Variants in CCNDBP1 observed in about 807,000 individuals in gnomAD.
The protein encoded by CCNDBP1 is cyclin-D1-binding protein 1.
A neutral mutation model predicts 46.2 loss-of-function variants in CCNDBP1; 45 were observed. The observed-to-expected ratio is 0.97, with a 90% CI of 0.77 to 1.25. CCNDBP1 has a LOEUF of 1.25. Among genes scored for constraint, CCNDBP1 ranks in the 50% most tolerant of loss-of-function variants. The pLI is 0.00. For missense variants in CCNDBP1, 436 were observed against 442.1 expected (o/e 0.99, Z 0.12); for synonymous variants, 154 against 163.6 (o/e 0.94, Z 0.45).
At chr15:43,194,330 T>G in intron 9 of CCNDBP1, 85 bp from the exon 10 acceptor site, 1 of 1,131,032 alleles carries the variant, frequency 8.8e-7, no homozygotes, top group East Asian at 2.6e-5. Context: ...AAATAATTTT[T>G]TTATTACTTG....
At chr15:43,187,101 A>G (rs2041863473) in intron 3 of CCNDBP1, among the ~76,000 whole-genome samples, 1 of 152,218 alleles carries the variant, frequency 6.6e-6, no homozygotes, top group Non-Finnish European at 1.5e-5. Flanking sequence ...GTGTATGCTT[A>G]ATATAGGAGT....
rs28365865 is a variant in CCNDBP1, at chr15:43,185,582, G to A, written c.84G>A (p.Leu28=). The A allele has an allele frequency of 2.8e-4, 448 of 1,578,544 alleles. 7 individuals are homozygous for A. The East Asian group carries it at 9.5e-3, about 33-fold the overall frequency. ...LEQLRHLAEE[L]RLLLPRVRVG... ...AGCTCCGGCACTTGGCGGAGGAGCTGCGGTTGCTCCTGCCTCGAGTGCGGG... is the reference window on the plus strand; with the variant it reads ...AGCTCCGGCACTTGGCGGAGGAGCTACGGTTGCTCCTGCCTCGAGTGCGGG... Residue 28 remains leucine, a synonymous_variant, in exon 1 of 11, where the codon CTG becomes CTA. Transcript: ENST00000300213.
At chr15:43,185,798 C>A in intron 1 of CCNDBP1, 22 bp from the exon 2 acceptor site, 1 of 1,608,536 alleles carries the variant, frequency 6.2e-7, no homozygotes, top group Non-Finnish European at 8.5e-7. Flanking sequence ...ACCGTTCGGC[C>A]CCCACACGCC....
rs770401057 is a variant in CCNDBP1 at position 43,190,141 on chromosome 15, C to A, written c.418C>A (p.Pro140Thr). Residue 140 changes from proline to threonine, a missense_variant, in exon 5 of 11, where the codon CCA becomes ACA. Transcript: ENST00000300213. The stretch of plus-strand genomic sequence containing the variant: ...GCTCATGGAAGTACTTTCCGTCACT[C>A]CAACTCAGAGGTAGTGATGCCACAG... ...AQLMEVLSVTPTQSPENNDLI... is the reference protein window; with the variant it reads ...AQLMEVLSVTTTQSPENNDLI... 1.2e-6 allele frequency: 2 copies of A among 1,613,884 alleles called. No individual in the cohort carries two copies. Among genetic ancestry groups the A allele is most frequent in the Non-Finnish European group, 1.7e-6 (2 of 1,179,836 alleles).
chr15:43,188,206 T>C (rs2041884089), intron 3 of CCNDBP1, among the ~76,000 whole-genome samples: 1 of 152,130 alleles, frequency 6.6e-6, no homozygotes, highest in South Asian at 2.1e-4. Flanking sequence ...ACTTAGAATT[T>C]AACAGAAAAT....
chr15:43,190,006 T>C (rs377680126), intron 4 of CCNDBP1, 49 bp from the exon 5 acceptor site: 1 of 1,496,692 alleles, frequency 6.7e-7, no homozygotes, highest in Non-Finnish European at 9.3e-7. Context: ...AAGCAGATGG[T>C]GCTTCTGAAA....
chr15:43,192,619 C>G, intron 8 of CCNDBP1, 124 bp from the exon 9 acceptor site: 1 of 819,182 alleles, frequency 1.2e-6, no homozygotes, highest in East Asian at 2.6e-5. Flanking sequence ...TGCCCAGTTG[C>G]CCAATTTTAA....
At chr15:43,189,874 A>G (rs2041919302) in intron 4 of CCNDBP1, 181 bp from the exon 5 acceptor site, 1 of 566,976 alleles carries the variant, frequency 1.8e-6, no homozygotes, top group Non-Finnish European at 3.1e-6. Flanking sequence ...ACACTAAGGA[A>G]TGGCAGGAGG....
chr15:43,186,268 G>A (rs375070480), intron 3 of CCNDBP1, 35 bp downstream of exon 3: 49 of 1,527,150 alleles, frequency 3.2e-5, no homozygotes, highest in Admixed American at 1.2e-4. Flanking sequence ...TTGGGCTGCC[G>A]AGTTACACCT....
In CCNDBP1 at chr15:43,192,773, A is replaced by T. The variant is rs755013072; in HGVS notation, c.891A>T (p.Pro297=). Residue 297 remains proline, a synonymous_variant, in exon 9 of 11, where the codon CCA becomes CCT. Transcript: ENST00000300213. The stretch of plus-strand genomic sequence containing the variant: ...ATGATTTGGCTCTGAGCATATATCC[A>T]CCTATGTGTCACCTGACCGTGCGAA... ...SVDDLALSIY[P]PMCHLTVRIN... The T allele has an allele frequency of 2.5e-6, 4 of 1,613,924 alleles. No individual in the cohort carries two copies. The highest frequency in any genetic ancestry group is 2.7e-5 in the African/African-American group (2 of 74,860).
In CCNDBP1 at chr15:43,189,259, T is replaced by A. The variant is rs763832976; in HGVS notation, c.310T>A (p.Tyr104Asn). The stretch of plus-strand genomic sequence containing the variant: ...CATCAAGGCATTTATTGCAGTGTAC[T>A]ATTTGCTTCCAAAGGATCAGGGTAA... ...AAIKAFIAVY[Y>N]LLPKDQGITL... The change falls in exon 4 of 11, where the codon TAT becomes AAT. Residue 104 changes from tyrosine to asparagine, a missense_variant. By Grantham distance (143) the Tyr-to-Asn change is moderately radical. Transcript: ENST00000300213. 10 of 1,608,840 alleles carry A rather than the reference T, an allele frequency of 6.2e-6. No individual in the cohort carries two copies. Among genetic ancestry groups the A allele is most frequent in the African/African-American group, 1.3e-5 (1 of 74,752 alleles).
In CCNDBP1 at chr15:43,194,928, G is replaced by A; in HGVS notation, c.*87G>A. 1 of 831,204 alleles carries A rather than the reference G, an allele frequency of 1.2e-6. No individual in the cohort carries two copies. The highest frequency in any genetic ancestry group is 1.6e-5 in the South Asian group (1 of 63,134). The allele number at this position is 831,204 out of a possible 1,614,324, so 51.5% of individuals were successfully genotyped here. A position where few individuals can be genotyped will look rare whatever the true frequency, so the allele number is the denominator to read the frequency against. The stretch of plus-strand genomic sequence containing the variant: ...CTTTTAAAATGGAGCTAGAATGCTT[G>A]CTGGATTGAAAGGGAGTGCCTATCT... On this transcript the variant is annotated 3_prime_UTR_variant, in exon 11 of 11. Coordinates refer to ENST00000300213, the MANE Select transcript of CCNDBP1 (RefSeq NM_012142.5).
intron 3 of CCNDBP1, 120 bp downstream of exon 3, chr15:43,186,353 GT>G: frequency 3.8e-6 from 3 of 798,948 alleles, no homozygotes; most frequent in South Asian, 3.3e-5. Flanking sequence ...GTCCAGTGAG[GT>G]TACCGTTTTT....
In CCNDBP1 at chr15:43,185,537, C is replaced by A; in HGVS notation, c.39C>A (p.Thr13=). Residue 13 remains threonine, a synonymous_variant, in exon 1 of 11, where the codon ACC becomes ACA. Coordinates refer to ENST00000300213, the MANE Select transcript of CCNDBP1 (RefSeq NM_012142.5). ...SATAPAAAVP[T]LASPLEQLRH... ...CTGCACCTGCAGCCGCAGTCCCCAC[C>A]CTGGCTTCGCCTTTGGAGCAGCTCC... 2 of 1,596,392 alleles carry A rather than the reference C, an allele frequency of 1.3e-6. No homozygotes were observed. The highest frequency in any genetic ancestry group is 4.5e-5 in the East Asian group (2 of 44,080).
chr15:43,194,045 G>GTTT (rs1567265924), intron 9 of CCNDBP1: 2 of 100,730 alleles, frequency 2.0e-5, no homozygotes, highest in South Asian at 1.2e-4. Context: ...TTCTTAATGC[G>GTTT]CTTTTTTTTT....
At chr15:43,190,878 A>G (rs1407723212) in intron 6 of CCNDBP1, 88 bp from the exon 7 acceptor site, 3 of 1,082,496 alleles carry the variant, frequency 2.8e-6, no homozygotes, top group East Asian at 2.4e-5. Flanking sequence ...ACTCCCATCA[A>G]TAGGAACAAT....
At chr15:43,186,369 C>T (rs1031681078) in intron 3 of CCNDBP1, 136 bp downstream of exon 3, 1 of 715,672 alleles carries the variant, frequency 1.4e-6, no homozygotes, top group South Asian at 1.8e-5. Flanking sequence ...GTTTTTACTT[C>T]ACAGGATTGT....
chr15:43,190,962 A>C lies in CCNDBP1; in HGVS notation c.503-4A>C, dbSNP rs765371052. On this transcript the variant is annotated splice_polypyrimidine_tract_variant and splice_region_variant and intron_variant, in intron 6 of 10. Coordinates refer to ENST00000300213, the MANE Select transcript of CCNDBP1 (RefSeq NM_012142.5). Reference sequence around the variant, plus strand: ...TTCTAGTGCTTCTGATTTTTCACTCATAGATAACAAAGCTGCAGCTCTTTT... The same window carrying C: ...TTCTAGTGCTTCTGATTTTTCACTCCTAGATAACAAAGCTGCAGCTCTTTT... 1.7e-5 allele frequency: 28 copies of C among 1,612,660 alleles called. No homozygotes were observed. The highest frequency in any genetic ancestry group is 2.4e-5 in the Non-Finnish European group (28 of 1,178,824).
rs377643826 is a variant in CCNDBP1 at position 43,189,309 on chromosome 15, T to C, written c.331+29T>C. The C allele has an allele frequency of 2.0e-5, 26 of 1,325,822 alleles. 1 individual carries two copies. Among genetic ancestry groups the C allele is most frequent in the Non-Finnish European group, 2.8e-5 (26 of 936,960 alleles). 82.1% of individuals were successfully genotyped at this position (1,325,822 alleles called of 1,614,324 possible). On this transcript the variant is annotated intron_variant, in intron 4 of 10. Coordinates refer to ENST00000300213, the MANE Select transcript of CCNDBP1 (RefSeq NM_012142.5). The stretch of plus-strand genomic sequence containing the variant: ...AGCCACATAAGTGTTGCATTTATCG[T>C]GTAGATCTTTGCTAATATTGTGGAT...
Sources: gnomAD v4.1 joint callset for allele counts (sites outside exome capture counted in the v4.1 genomes callset) on GRCh38, gnomAD v4.1.1 for gene constraint, MANE v1.5 for transcripts, NCBI Gene and HGNC (gene_info 2026-07-23, HGNC 2026-07-21) for gene names.